Variants in FER1L6 observed in about 807,000 individuals in gnomAD.
FER1L6 encodes the protein fer-1-like protein 6.
Under a neutral mutation model 219.2 loss-of-function variants are expected in FER1L6, and 177 were observed. The observed-to-expected ratio is 0.81, with a 90% CI of 0.71 to 0.91. The LOEUF (loss-of-function observed/expected upper bound fraction) is 0.91, where lower values mean the gene tolerates loss of function less well. FER1L6 is among the 40% of genes least tolerant of loss of function. The probability of loss-of-function intolerance (pLI) is 0.00; values close to 1 mark genes in which losing one functional copy is unlikely to be tolerated. For synonymous variants in FER1L6, 768 were observed against 824.3 expected (o/e 0.93, Z 1.17); for missense variants, 2,153 against 2,259.9 (o/e 0.95, Z 0.96).
chr8:123,973,620 T>C, intron 7 of FER1L6, 108 bp downstream of exon 7: 1 of 806,864 alleles, frequency 1.2e-6, no homozygotes, highest in Non-Finnish European at 2.2e-6. Flanking sequence ...TCAATAACAC[T>C]GAGCACCAGT....
Position 123,954,937 on chromosome 8 carries a change from C to T in FER1L6, c.-7-1055C>T, listed in dbSNP as rs1814948247. Among the ~76,000 whole-genome samples the T allele has an allele frequency of 2.0e-5, 3 of 152,158 alleles. No individual in the cohort carries two copies. In the South Asian group the frequency reaches 6.2e-4, roughly 32 times the overall value. On this transcript the variant is annotated intron_variant, in intron 1 of 40. Transcript: ENST00000522917. ...TTCCCCTCCTCTCTCCAGGGCTGGCCAGGCTGCCTGCATCAAGGCCAGGAC... is the reference window on the plus strand; with the variant it reads ...TTCCCCTCCTCTCTCCAGGGCTGGCTAGGCTGCCTGCATCAAGGCCAGGAC...
chr8:124,104,676 TATCCTTTGACATCATTCTA>T (rs1822689842), intron 39 of FER1L6, among the ~76,000 whole-genome samples: 1 of 152,216 alleles, frequency 6.6e-6, no homozygotes, highest in South Asian at 2.1e-4. Context: ...TCCAAACTCT[TATCCTTTGACATCATTCTA>T]ATTTCTGTAT....
intron 13 of FER1L6, among the ~76,000 whole-genome samples, chr8:124,003,722 C>A (rs1340524082): frequency 1.3e-5 from 2 of 152,002 alleles, no homozygotes; most frequent in Admixed American, 6.6e-5. Context: ...CTGCCTCGGC[C>A]TCCTGAAGTG....
At chr8:123,901,236 G>T (rs1011599609) in intron 1 of FER1L6, among the ~76,000 whole-genome samples, 2 of 152,286 alleles carry the variant, frequency 1.3e-5, no homozygotes, top group East Asian at 1.9e-4. Flanking sequence ...AGCTAGGAGG[G>T]TTGTATTTTT....
chr8:123,902,353 G>T (rs1812874972), intron 1 of FER1L6, among the ~76,000 whole-genome samples: 1 of 152,100 alleles, frequency 6.6e-6, no homozygotes. Flanking sequence ...AAAATTCATT[G>T]TTTCTTTGTT....
chr8:123,956,178 G>T, intron 2 of FER1L6, 104 bp downstream of exon 2: 1 of 1,027,274 alleles, frequency 9.7e-7, no homozygotes. Context: ...GCGAGGGGGA[G>T]TGTGAATGTG....
chr8:123,933,789 A>G (rs979299368), intron 1 of FER1L6, among the ~76,000 whole-genome samples: 1 of 152,148 alleles, frequency 6.6e-6, no homozygotes, highest in African/African-American at 2.4e-5. Flanking sequence ...ATCCGGTTTC[A>G]CCATTTTTCT....
At chr8:124,097,072 G>GATATATATATATAT (rs565301549) in intron 35 of FER1L6, among the ~76,000 whole-genome samples, 199 bp from the exon 36 acceptor site, 40 of 146,830 alleles carry the variant, frequency 2.7e-4, no homozygotes, top group African/African-American at 9.7e-4. Flanking sequence ...AATTCCTAAA[G>GATATATATATATAT]ATATATATAT....
intron 12 of FER1L6, among the ~76,000 whole-genome samples, chr8:123,991,455 T>G (rs1422961261): frequency 1.3e-5 from 2 of 151,976 alleles, no homozygotes; most frequent in African/African-American, 4.8e-5. Context: ...TTTTTTTTTC[T>G]TTTTTGCAGC....
chr8:124,062,795 G>T (rs1466672069), intron 25 of FER1L6, among the ~76,000 whole-genome samples: 1 of 152,126 alleles, frequency 6.6e-6, no homozygotes, highest in Non-Finnish European at 1.5e-5. Context: ...GGGGTGAGAT[G>T]ACTAGGTCCC....
At chr8:123,950,598 ATTT>A (rs1814714553) in intron 1 of FER1L6, among the ~76,000 whole-genome samples, 1 of 152,154 alleles carries the variant, frequency 6.6e-6, no homozygotes, top group African/African-American at 2.4e-5. Context: ...TTGGAGGTGT[ATTT>A]CCTAGACTCA....
intron 1 of FER1L6, among the ~76,000 whole-genome samples, chr8:123,881,529 T>C (rs1817110510): frequency 6.6e-6 from 1 of 152,210 alleles, no homozygotes; most frequent in African/African-American, 2.4e-5. Context: ...TTCCTCTAAA[T>C]AAGTGGGCCT....
chr8:124,067,687 C>T lies in FER1L6; in HGVS notation c.3679-80C>T. On this transcript the variant is annotated intron_variant, in intron 27 of 40. Transcript: ENST00000522917. ...TTTTAAAATAGTGTCTCTGGGAATG[C>T]AGAGGGCTGAGATAATTGTTAGCAG... The T allele has an allele frequency of 3.3e-6, 4 of 1,230,204 alleles. No homozygotes were observed. In the South Asian group the frequency reaches 3.8e-5, roughly 12 times the overall value. 76.2% of individuals were successfully genotyped at this position (1,230,204 alleles called of 1,614,324 possible).
chr8:124,118,617 C>T (rs996465357), intron 39 of FER1L6, among the ~76,000 whole-genome samples: 11 of 152,188 alleles, frequency 7.2e-5, no homozygotes, highest in African/African-American at 2.4e-4. Flanking sequence ...ACATGGGACC[C>T]TTTCCTTCCA....
At chr8:123,883,898 T>G (rs144110011) in intron 1 of FER1L6, among the ~76,000 whole-genome samples, 1 of 152,368 alleles carries the variant, frequency 6.6e-6, no homozygotes, top group Non-Finnish European at 1.5e-5. Flanking sequence ...CTCTTAATAC[T>G]TCACGTTACA....
chr8:123,874,616 C>T (rs1414984597), intron 1 of FER1L6, among the ~76,000 whole-genome samples: 1 of 152,328 alleles, frequency 6.6e-6, no homozygotes, highest in South Asian at 2.1e-4. Flanking sequence ...ATGTATCATA[C>T]ACTCTTCTTT....
At chr8:124,003,451 CTTTTTTTTTTTTTTTTTTTTT>C in intron 13 of FER1L6, 104 bp downstream of exon 13, 1 of 111,124 alleles carries the variant, frequency 9.0e-6, no homozygotes, top group African/African-American at 5.3e-5. Context: ...CAGAAATGTC[CTTTTTTTTTTTTTTTTTTTTT>C]TTTTTTTTTG....
chr8:124,008,807 T>C (rs988752789), intron 13 of FER1L6, among the ~76,000 whole-genome samples: 4 of 151,978 alleles, frequency 2.6e-5, no homozygotes, highest in Non-Finnish European at 5.9e-5. Flanking sequence ...AAAAGTGGGC[T>C]AAGGACATGA....
rs56104148 is a variant in FER1L6 at position 124,092,852 on chromosome 8, C to CT, written c.4552+1290dup. ...AGAGAGAAAGCGGGGAAGTGCTACC[C>CT]TTTTTTTTTTTTTTTTTTTTTGAGA... On this transcript the variant is annotated intron_variant, in intron 34 of 40. Transcript: ENST00000522917. Among the ~76,000 whole-genome samples, 857 of 140,052 alleles carry CT rather than the reference C, an allele frequency of 6.1e-3. 5 individuals carry two copies. Among genetic ancestry groups the CT allele is most frequent in the African/African-American group, 0.014 (529 of 37,308 alleles). The allele number at this position is 140,052 out of a possible 152,430, so 91.9% of individuals were successfully genotyped here. A position where few individuals can be genotyped will look rare whatever the true frequency, so the allele number is the denominator to read the frequency against.
Sources: gnomAD v4.1 joint callset for allele counts (sites outside exome capture counted in the v4.1 genomes callset) on GRCh38, gnomAD v4.1.1 for gene constraint, MANE v1.5 for transcripts, NCBI Gene and HGNC (gene_info 2026-07-23, HGNC 2026-07-21) for gene names.